NT5C1B: variants seen among roughly 807,000 people sequenced by gnomAD.
NT5C1B encodes the protein 5'-nucleotidase, cytosolic IB, also known as cytosolic 5'-nucleotidase 1B.
A neutral mutation model predicts 57.8 loss-of-function variants in NT5C1B; 44 were observed. The ratio of observed to expected loss-of-function variants is 0.76; its 90% CI spans 0.60 to 0.98. NT5C1B has a LOEUF of 0.98. NT5C1B is among the 50% of genes least tolerant of loss of function. The pLI, the probability that NT5C1B is intolerant of heterozygous loss-of-function variation, is 0.00. For synonymous variants in NT5C1B, 284 were observed against 282.6 expected, an observed-to-expected ratio of 1.00 and a Z score of -0.05; for missense variants, 742 against 719.5, an observed-to-expected ratio of 1.03 and a Z score of -0.36.
At chr2:18,572,421 T>A (rs1665290462) in intron 8 of NT5C1B, among the ~76,000 whole-genome samples, 1 of 152,184 alleles carries the variant, frequency 6.6e-6, no homozygotes. Flanking sequence ...AAAGCACAAT[T>A]TCTAAGAGAA....
chr2:18,563,658 A>C (rs1664373576), exon 9 of NT5C1B: 1 of 988,984 alleles, frequency 1.0e-6, no homozygotes, highest in East Asian at 2.7e-5. Flanking sequence ...TTTTCCAAAA[A>C]ATCAGGAGAA....
exon 9 of NT5C1B, chr2:18,563,951 C>T (rs1664403275): frequency 1.2e-6 from 2 of 1,614,110 alleles, no homozygotes; most frequent in Admixed American, 1.7e-5. Context: ...AGAGCTTCGT[C>T]TATCTCTAGA....
intron 8 of NT5C1B, among the ~76,000 whole-genome samples, chr2:18,573,452 A>G (rs1273908866): frequency 6.6e-6 from 1 of 152,064 alleles, no homozygotes; most frequent in Non-Finnish European, 1.5e-5. Flanking sequence ...TGATACACAC[A>G]CACACACACA....
chr2:18,564,084 T>C, exon 9 of NT5C1B: 1 of 1,590,240 alleles, frequency 6.3e-7, no homozygotes, highest in Non-Finnish European at 8.6e-7. Flanking sequence ...TCTTTTGCAG[T>C]CTGCCTAAAT....
Position 18,584,872 on chromosome 2 carries a change from G to A in NT5C1B, c.365C>T (p.Ser122Leu), listed in dbSNP as rs1356733805. ...GTCCAGCGACCGGGGCAGCTGGGGC[G>A]ACGCGGGTGGCTGGAGCGAGGGCTG... The change falls in exon 4 of 9, where the codon TCG (serine) becomes TTG (leucine). Residue 122 changes from serine (S) to leucine (L), a missense_variant. By Grantham distance (145) the Ser-to-Leu change is moderately radical. Transcript: ENST00000304081. This position sits in a 1 kb window ranked among gnomAD's most constrained non-coding sequence, Gnocchi z 5.8. The A allele has an allele frequency of 1.0e-5, 16 of 1,596,462 alleles. No individual in the cohort carries two copies. The highest frequency in any genetic ancestry group is 1.7e-4 in the Middle Eastern group (1 of 5,814).
chr2:18,569,805 C>A (rs1382862903), intron 8 of NT5C1B, among the ~76,000 whole-genome samples: 2 of 151,962 alleles, frequency 1.3e-5, no homozygotes, highest in South Asian at 2.1e-4. Flanking sequence ...AGCAAGTAGA[C>A]AGAAAATTAC....
At position 18,585,975 on chromosome 2, in the gene NT5C1B, G is replaced by A. The variant is rs556906515; in HGVS notation, c.258+279C>T. Among the ~76,000 whole-genome samples, 9 of 152,202 alleles carry A rather than the reference G, an allele frequency of 5.9e-5. No individual in the cohort carries two copies. The East Asian group carries it at 1.7e-3, about 29-fold the overall frequency. On this transcript the variant is annotated intron_variant, in intron 3 of 8. Transcript: ENST00000304081. ...GTTAATTACTATTTGTTGAATGAAGGAAGGAAGGAGGAAGTGTGCAGCCTC... is the reference window on the plus strand; with the variant it reads ...GTTAATTACTATTTGTTGAATGAAGAAAGGAAGGAGGAAGTGTGCAGCCTC...
intron 8 of NT5C1B, among the ~76,000 whole-genome samples, chr2:18,570,570 T>A (rs1665058688): frequency 6.6e-6 from 1 of 152,096 alleles, no homozygotes; most frequent in Non-Finnish European, 1.5e-5. Context: ...ATGGAAGTTC[T>A]ATAGCTATCA....
chr2:18,584,051 G>A lies in NT5C1B; in HGVS notation c.891+37C>T. 6.2e-7 allele frequency: 1 copy of A among 1,614,140 alleles called. No individual in the cohort carries two copies. The highest frequency in any genetic ancestry group is 8.5e-7 in the Non-Finnish European group (1 of 1,180,012). ...TGGCCTGGGTCCCTCCCTCGCCATC[G>A]AGTGTCCTGGCGGGCCAAAGACAGC... On this transcript the variant is annotated intron_variant, in intron 5 of 8. Coordinates refer to ENST00000304081, the Ensembl canonical transcript of NT5C1B. The surrounding 1 kb of genome is among the most constrained non-coding windows in gnomAD (Gnocchi z 5.8).
intron 8 of NT5C1B, among the ~76,000 whole-genome samples, chr2:18,566,388 A>C (rs368856595): frequency 6.6e-6 from 1 of 152,180 alleles, no homozygotes; most frequent in East Asian, 1.9e-4. Flanking sequence ...CATTTGCTTA[A>C]ATTTTCTTTA....
At chr2:18,575,220 T>G (rs950486005) in intron 8 of NT5C1B, among the ~76,000 whole-genome samples, 1 of 152,050 alleles carries the variant, frequency 6.6e-6, no homozygotes, top group Admixed American at 6.6e-5. Flanking sequence ...AACAAAGAAT[T>G]TTCTTAATAG....
intron 2 of NT5C1B, chr2:18,587,258 T>C (rs934803321): frequency 4.6e-6 from 7 of 1,511,814 alleles, no homozygotes; most frequent in Non-Finnish European, 4.4e-6. Flanking sequence ...CTCCCCCCTG[T>C]GTAGGCTGAG....
rs775418324 is a variant in NT5C1B at position 18,586,532 on chromosome 2, A to G, written c.121-141T>C. On this transcript the variant is annotated intron_variant, in intron 2 of 8. Transcript: ENST00000304081. ...CCTGGCCTCAATGACTCTTAACTCA[A>G]CCTGAACTCTTCTGTACTATTCTAA... 4.0e-6 allele frequency: 5 copies of G among 1,261,826 alleles called. No individual in the cohort carries two copies. The South Asian group carries it at 4.7e-5, about 12-fold the overall frequency. 78.2% of individuals were successfully genotyped at this position (1,261,826 alleles called of 1,614,324 possible).
At chr2:18,581,240 A>G (rs1277372590) in intron 6 of NT5C1B, among the ~76,000 whole-genome samples, 1 of 152,222 alleles carries the variant, frequency 6.6e-6, no homozygotes, top group Non-Finnish European at 1.5e-5. Flanking sequence ...TGCAATATGT[A>G]TCAAGAGCTT....
intron 8 of NT5C1B, among the ~76,000 whole-genome samples, chr2:18,571,495 A>T (rs1005930592): frequency 6.6e-6 from 1 of 151,866 alleles, no homozygotes; most frequent in African/African-American, 2.4e-5. Flanking sequence ...ACTAAAAAAA[A>T]AATTTAAATG....
chr2:18,589,228 C>G, intron 1 of NT5C1B, among the ~76,000 whole-genome samples: 1 of 152,318 alleles, frequency 6.6e-6, no homozygotes, highest in East Asian at 1.9e-4. Flanking sequence ...TAATCTCTTT[C>G]TTTGCTGTCT....
chr2:18,569,968 C>A (rs1665002762), intron 8 of NT5C1B, among the ~76,000 whole-genome samples: 1 of 152,044 alleles, frequency 6.6e-6, no homozygotes, highest in Admixed American at 6.6e-5. Context: ...AAACATACCA[C>A]AACAAATTTA....
At chr2:18,565,536 T>C (rs1397382311) in intron 8 of NT5C1B, among the ~76,000 whole-genome samples, 1 of 152,194 alleles carries the variant, frequency 6.6e-6, no homozygotes, top group Non-Finnish European at 1.5e-5. Context: ...TTTTGAATGC[T>C]GCTCTTGAGA....
intron 8 of NT5C1B, among the ~76,000 whole-genome samples, chr2:18,574,420 A>T (rs950381793): frequency 5.9e-5 from 9 of 152,168 alleles, no homozygotes; most frequent in Admixed American, 1.3e-4. Flanking sequence ...ACAGAATGGA[A>T]GTTTTTCCAA....
Sources: gnomAD v4.1 joint callset for allele counts (sites outside exome capture counted in the v4.1 genomes callset) on GRCh38, gnomAD v4.1.1 for gene constraint, Gnocchi (gnomAD v3.1) non-coding constraint, MANE v1.5 for transcripts, NCBI Gene and HGNC (gene_info 2026-07-23, HGNC 2026-07-21) for gene names.